The following MIAT variants were observed in gnomAD, a reference collection of about 807,000 sequenced individuals.
The protein encoded by MIAT is MI related novel mRNA.
intron 2 of MIAT, among the ~76,000 whole-genome samples, chr22:26,649,514 G>A (rs1427573222): frequency 1.3e-5 from 2 of 152,218 alleles, no homozygotes; most frequent in Non-Finnish European, 2.9e-5. Context: ...GCTCATGGGA[G>A]CTGTTGTGTC....
chr22:26,647,818 G>T (rs919281850), intron 2 of MIAT, among the ~76,000 whole-genome samples: 2 of 152,038 alleles, frequency 1.3e-5, no homozygotes, highest in South Asian at 2.1e-4. Flanking sequence ...GTGGTGACTT[G>T]GTGGGATGGG....
chr22:26,667,064 G>A, intron 4 of MIAT: 1 of 398,062 alleles, frequency 2.5e-6, no homozygotes. Context: ...ATGAGAAGAT[G>A]GCCAGGGAGC....
At chr22:26,672,703 C>T, downstream of MIAT, 1 of 399,052 alleles carries the variant, frequency 2.5e-6, no homozygotes, top group Non-Finnish European at 4.4e-6. Context: ...GGGGCGTGCC[C>T]CTCACCGGAA....
At chr22:26,671,413 T>A, downstream of MIAT, 2 of 398,772 alleles carry the variant, frequency 5.0e-6, no homozygotes, top group Non-Finnish European at 8.8e-6. Context: ...CATGGTGTGA[T>A]TAACCTACTA....
At chr22:26,649,103 C>T (rs191722614) in intron 2 of MIAT, among the ~76,000 whole-genome samples, 1 of 152,296 alleles carries the variant, frequency 6.6e-6, no homozygotes, top group East Asian at 1.9e-4. Flanking sequence ...AGAGCATTTA[C>T]TGAGCAATGT....
intron 2 of MIAT, among the ~76,000 whole-genome samples, chr22:26,649,965 A>G (rs1459686584): frequency 6.6e-6 from 1 of 152,182 alleles, no homozygotes; most frequent in Non-Finnish European, 1.5e-5. Context: ...GGGGTAGGAC[A>G]TGTCGGGTGT....
At chr22:26,667,301 C>T (rs374018428) in exon 5 of MIAT, 45 of 397,898 alleles carry the variant, frequency 1.1e-4, no homozygotes, top group African/African-American at 5.8e-4. Context: ...ATTACAGTCT[C>T]GGCAAGGGGG....
intron 2 of MIAT, chr22:26,647,448 A>C: frequency 1.3e-5 from 5 of 390,102 alleles, no homozygotes; most frequent in East Asian, 3.7e-5. Context: ...AGAAAAGCAA[A>C]TGGATATGTA....
At chr22:26,673,405 C>T (rs1440551020), downstream of MIAT, 1 of 398,936 alleles carries the variant, frequency 2.5e-6, no homozygotes, top group African/African-American at 2.1e-5. Flanking sequence ...CCCTGACTGC[C>T]CCAGGGGCTG....
intron 2 of MIAT, among the ~76,000 whole-genome samples, chr22:26,647,836 A>G (rs1438002606): frequency 6.6e-6 from 1 of 151,546 alleles, no homozygotes; most frequent in East Asian, 1.9e-4. Flanking sequence ...GGGAGGGGGA[A>G]TGACTTGGCG....
chr22:26,661,917 C>CATATATATATATAT (rs58654108), intron 2 of MIAT, among the ~76,000 whole-genome samples: 5 of 80,586 alleles, frequency 6.2e-5, no homozygotes, highest in Non-Finnish European at 1.1e-4. Context: ...TATATAGATC[C>CATATATATATATAT]ATATATATAT....
chr22:26,649,565 C>G (rs1307014285), intron 2 of MIAT, among the ~76,000 whole-genome samples: 2 of 152,180 alleles, frequency 1.3e-5, no homozygotes, highest in African/African-American at 2.4e-5. Flanking sequence ...CAAGGGGCAG[C>G]CTGGAGGTGG....
chr22:26,674,774 A>T (rs139481488), exon 5 of MIAT: 1 of 398,580 alleles, frequency 2.5e-6, no homozygotes, highest in Non-Finnish European at 4.4e-6. Context: ...CACTCAAAGC[A>T]GGAAGCTCAC....
At chr22:26,648,306 G>T (rs1350052967) in intron 2 of MIAT, among the ~76,000 whole-genome samples, 1 of 152,162 alleles carries the variant, frequency 6.6e-6, no homozygotes, top group Non-Finnish European at 1.5e-5. Context: ...CTGTTGTCTG[G>T]ACACAAAAGG....
intron 2 of MIAT, among the ~76,000 whole-genome samples, chr22:26,660,420 AT>A (rs1471562275): frequency 6.7e-6 from 1 of 149,698 alleles, no homozygotes; most frequent in African/African-American, 2.4e-5. Flanking sequence ...ATAAGCAGAG[AT>A]TACACCACCG....
Position 26,666,146 on chromosome 22 carries a change from T to A in MIAT, n.1345T>A, listed in dbSNP as rs1348673045. On this transcript the variant is annotated non_coding_transcript_exon_variant, in exon 4 of 6. Transcript: ENST00000643270. Reference sequence around the variant, plus strand: ...GGGTGCTGACAGCAAGCTCTGAAGATATGCTGAGAGAGCTCCCTGACTCTC... The same window carrying A: ...GGGTGCTGACAGCAAGCTCTGAAGAAATGCTGAGAGAGCTCCCTGACTCTC... The A allele has an allele frequency of 1.8e-5, 7 of 398,522 alleles. No individual in the cohort carries two copies. In the East Asian group the frequency reaches 2.5e-4, roughly 14 times the overall value. The allele number at this position is 398,522 out of a possible 1,614,324, so 24.7% of individuals were successfully genotyped here.
At chr22:26,674,973 G>T in exon 5 of MIAT, 2 of 398,722 alleles carry the variant, frequency 5.0e-6, no homozygotes, top group Non-Finnish European at 4.4e-6. Context: ...GTTATGATTG[G>T]TCAGGGGTCT....
At chr22:26,652,499 A>C (rs1430032571) in intron 2 of MIAT, among the ~76,000 whole-genome samples, 4 of 152,038 alleles carry the variant, frequency 2.6e-5, no homozygotes, top group Admixed American at 2.0e-4. Context: ...CTGGGATTAC[A>C]GGCGCCGCCA....
exon 6 of MIAT, chr22:26,668,553 C>G (rs1241538785): frequency 5.0e-6 from 2 of 399,022 alleles, no homozygotes; most frequent in Non-Finnish European, 8.8e-6. Flanking sequence ...CAGAGCCTGG[C>G]CTGGGCCAAG....
Sources: allele counts gnomAD v4.1 joint callset (sites outside exome capture counted in the v4.1 genomes callset), GRCh38; gene constraint gnomAD v4.1.1; transcripts MANE v1.5; gene names NCBI Gene and HGNC (gene_info 2026-07-23, HGNC 2026-07-21).